Variants in SGCG observed in about 807,000 individuals in gnomAD.
The protein encoded by SGCG is sarcoglycan gamma.
SGCG carries 26 observed loss-of-function variants against 29.3 expected under a neutral mutation model. The observed-to-expected ratio is 0.89, with a 90% CI of 0.65 to 1.23. The LOEUF is 1.23. SGCG is among the 50% of genes most tolerant of loss of function. The pLI is 0.00. For synonymous variants in SGCG, 145 were observed against 129.7 expected (o/e 1.12, Z -0.80); for missense variants, 353 against 356.0 (o/e 0.99, Z 0.07).
At chr13:23,210,299 G>A (rs1878141818) in intron 2 of SGCG, among the ~76,000 whole-genome samples, 1 of 151,952 alleles carries the variant, frequency 6.6e-6, no homozygotes, top group Non-Finnish European at 1.5e-5. Flanking sequence ...CATCATAATT[G>A]AGGAAATCAG....
intron 1 of SGCG, among the ~76,000 whole-genome samples, chr13:23,192,257 G>C (rs1324307342): frequency 6.6e-6 from 1 of 152,074 alleles, no homozygotes; most frequent in Non-Finnish European, 1.5e-5. Context: ...AAGTTAAAGG[G>C]TCTGGAAGTA....
In SGCG at chr13:23,296,279, G is replaced by A. The variant is rs1881905159; in HGVS notation, c.578+792G>A. 2.0e-5 allele frequency among the ~76,000 whole-genome samples: 3 copies of A among 152,310 alleles called. No individual in the cohort carries two copies. The South Asian group carries it at 6.2e-4, about 32-fold the overall frequency. ...CGTGAAATGTGCAAAAGGCACTCTTGAAAATGTCAGTTTACTTTAAATTTT... is the reference window on the plus strand; with the variant it reads ...CGTGAAATGTGCAAAAGGCACTCTTAAAAATGTCAGTTTACTTTAAATTTT... On this transcript the variant is annotated intron_variant, in intron 6 of 7. Transcript: ENST00000218867.
intron 3 of SGCG, among the ~76,000 whole-genome samples, chr13:23,238,089 A>T (rs1319881446): frequency 6.6e-6 from 1 of 152,212 alleles, no homozygotes; most frequent in Non-Finnish European, 1.5e-5. Context: ...GCAGCTCAGG[A>T]GAGTTATCCC....
chr13:23,242,973 C>T (rs1378875053), intron 3 of SGCG, among the ~76,000 whole-genome samples: 1 of 152,104 alleles, frequency 6.6e-6, no homozygotes, highest in East Asian at 1.9e-4. Context: ...CAAAAAACAT[C>T]AGTTTTTATT....
the SGCG span, among the ~76,000 whole-genome samples, chr13:23,168,972 C>T: frequency 2.6e-5 from 4 of 151,880 alleles, no homozygotes; most frequent in East Asian, 7.7e-4. Flanking sequence ...TTCTTATAAT[C>T]ATCATTCTTA....
At chr13:23,192,513 C>T (rs542409910) in intron 1 of SGCG, among the ~76,000 whole-genome samples, 2 of 152,248 alleles carry the variant, frequency 1.3e-5, no homozygotes, top group East Asian at 1.9e-4. Flanking sequence ...CCTGCCTCAG[C>T]CTCCCGAGTA....
chr13:23,237,799 TAAA>T (rs35050714), intron 3 of SGCG, among the ~76,000 whole-genome samples: 70 of 143,170 alleles, frequency 4.9e-4, no homozygotes, highest in African/African-American at 3.6e-4. Flanking sequence ...AATCTTCATC[TAAA>T]AAAAAAAAAA....
intron 4 of SGCG, among the ~76,000 whole-genome samples, chr13:23,275,903 C>G (rs532025718): frequency 1.3e-5 from 2 of 152,116 alleles, no homozygotes; most frequent in African/African-American, 4.8e-5. Flanking sequence ...TTAAAGATAT[C>G]CTGAGGAACA....
chr13:23,285,148 TCCG>T (rs966941747), intron 5 of SGCG, among the ~76,000 whole-genome samples: 7 of 152,182 alleles, frequency 4.6e-5, no homozygotes, highest in African/African-American at 1.7e-4. Flanking sequence ...TGCTGGGAGA[TCCG>T]CTGCTCTCTT....
intron 3 of SGCG, among the ~76,000 whole-genome samples, chr13:23,249,538 G>A (rs1338095497): frequency 7.3e-6 from 1 of 136,560 alleles, no homozygotes; most frequent in Non-Finnish European, 1.5e-5. Flanking sequence ...TAAAAGTTTT[G>A]AGACAAGTAA....
chr13:23,210,554 G>A (rs756329274), intron 2 of SGCG, among the ~76,000 whole-genome samples: 3 of 152,082 alleles, frequency 2.0e-5, no homozygotes, highest in African/African-American at 4.8e-5. Flanking sequence ...AGCCGGGCGT[G>A]GTGGCGGGCG....
intron 5 of SGCG, 148 bp from the exon 6 acceptor site, chr13:23,295,267 A>C (rs773414391): frequency 1.4e-4 from 103 of 721,466 alleles, no homozygotes; most frequent in Non-Finnish European, 1.7e-4. Flanking sequence ...AGTTGGGCCT[A>C]TTTTTCTACC....
At chr13:23,191,101 A>G (rs567018299) in intron 1 of SGCG, among the ~76,000 whole-genome samples, 2 of 152,356 alleles carry the variant, frequency 1.3e-5, no homozygotes, top group Admixed American at 1.3e-4. Context: ...AAAGTTACAT[A>G]TTAAATCAAG....
At chr13:23,219,090 C>T (rs1409284254) in intron 2 of SGCG, among the ~76,000 whole-genome samples, 2 of 150,430 alleles carry the variant, frequency 1.3e-5, no homozygotes, top group African/African-American at 4.9e-5. Context: ...ATCTGTCGCC[C>T]AGGCTGGAGT....
At chr13:23,216,555 A>G (rs985228662) in intron 2 of SGCG, among the ~76,000 whole-genome samples, 1 of 152,186 alleles carries the variant, frequency 6.6e-6, no homozygotes, top group Non-Finnish European at 1.5e-5. Flanking sequence ...ACAGAATATG[A>G]TATTTAATGG....
At chr13:23,199,243 A>G (rs1225207670) in intron 1 of SGCG, among the ~76,000 whole-genome samples, 1 of 152,278 alleles carries the variant, frequency 6.6e-6, no homozygotes, top group African/African-American at 2.4e-5. Flanking sequence ...TGATACATTA[A>G]AAATTAGAAT....
upstream of SGCG, among the ~76,000 whole-genome samples, chr13:23,178,952 G>C (rs1876641985): frequency 6.6e-6 from 1 of 152,170 alleles, no homozygotes; most frequent in African/African-American, 2.4e-5. Flanking sequence ...GAGGGAGAAT[G>C]AGGGGGAAGC....
intron 5 of SGCG, among the ~76,000 whole-genome samples, chr13:23,282,844 C>T (rs1470418558): frequency 3.9e-5 from 6 of 152,082 alleles, no homozygotes; most frequent in South Asian, 2.1e-4. Flanking sequence ...GGACATTTAG[C>T]GGCATTCTTA....
chr13:23,290,410 G>A (rs565182711), intron 5 of SGCG, among the ~76,000 whole-genome samples: 425 of 152,282 alleles, frequency 2.8e-3, no homozygotes, highest in Non-Finnish European at 4.5e-3. Flanking sequence ...CAGACAATGC[G>A]GTGGGAGGGA....
Sources: gnomAD v4.1 joint callset for allele counts (sites outside exome capture counted in the v4.1 genomes callset) on GRCh38, gnomAD v4.1.1 for gene constraint, MANE v1.5 for transcripts, NCBI Gene and HGNC (gene_info 2026-07-23, HGNC 2026-07-21) for gene names.